CENPP: variants seen among roughly 807,000 people sequenced by gnomAD.
The protein encoded by CENPP is centromere protein P.
CENPP carries 24 observed loss-of-function variants against 35.6 expected under a neutral mutation model. That is an observed-to-expected ratio of 0.67 (90% CI 0.49 to 0.95). CENPP has a LOEUF of 0.95. CENPP is among the 40% of genes least tolerant of loss of function. The probability of loss-of-function intolerance (pLI) is 0.00; values close to 1 mark genes in which losing one functional copy is unlikely to be tolerated. For synonymous variants in CENPP, 120 were observed against 125.5 expected (o/e 0.96, Z 0.29); for missense variants, 332 against 345.3 (o/e 0.96, Z 0.31).
At chr9:92,530,561 T>G (rs1848684227) in intron 5 of CENPP, among the ~76,000 whole-genome samples, 1 of 152,248 alleles carries the variant, frequency 6.6e-6, no homozygotes, top group South Asian at 2.1e-4. Flanking sequence ...GCCTTGTTTG[T>G]CCTAATGATT....
intron 5 of CENPP, among the ~76,000 whole-genome samples, chr9:92,536,867 A>T (rs79072821): frequency 0.012 from 1,268 of 106,570 alleles, 17 homozygotes; most frequent in African/African-American, 0.04. Context: ...ACTATTTTTT[A>T]AATTTTTTTT....
chr9:92,465,631 A>C (rs1376302470), intron 5 of CENPP, among the ~76,000 whole-genome samples: 1 of 152,230 alleles, frequency 6.6e-6, no homozygotes, highest in Non-Finnish European at 1.5e-5. Context: ...AATATAAGAC[A>C]AAAAATTCCT....
intron 4 of CENPP, among the ~76,000 whole-genome samples, chr9:92,357,657 G>A (rs1204857256): frequency 6.6e-6 from 1 of 151,788 alleles, no homozygotes. Flanking sequence ...ACCACTCCTG[G>A]CTCATTTTTT....
chr9:92,404,511 G>A, intron 5 of CENPP: 1 of 1,293,672 alleles, frequency 7.7e-7, no homozygotes, highest in Non-Finnish European at 1.0e-6. Flanking sequence ...TAGCTGTTTT[G>A]AAGTTTTTTG....
chr9:92,505,748 G>A (rs1018676920), intron 5 of CENPP: 22 of 1,399,236 alleles, frequency 1.6e-5, no homozygotes, highest in Non-Finnish European at 1.6e-5. Flanking sequence ...GCAAATTTTT[G>A]TAGCCTTTTG....
intron 5 of CENPP, among the ~76,000 whole-genome samples, chr9:92,387,849 C>T (rs768974580): frequency 1.3e-5 from 2 of 151,646 alleles, no homozygotes; most frequent in East Asian, 1.9e-4. Flanking sequence ...CTGCAACCTC[C>T]GCCTCCCAGG....
At chr9:92,568,161 G>A (rs1431155782) in intron 5 of CENPP, among the ~76,000 whole-genome samples, 1 of 147,028 alleles carries the variant, frequency 6.8e-6, no homozygotes, top group Non-Finnish European at 1.5e-5. Flanking sequence ...ATGTATACAT[G>A]TGCCATGTTG....
intron 5 of CENPP, chr9:92,536,134 C>A: frequency 2.5e-6 from 1 of 397,280 alleles, no homozygotes; most frequent in Non-Finnish European, 4.7e-6. Context: ...AGAAAATCAG[C>A]CAAGAAAGTA....
intron 5 of CENPP, among the ~76,000 whole-genome samples, chr9:92,553,703 T>A (rs1180013970): frequency 6.6e-6 from 1 of 152,226 alleles, no homozygotes; most frequent in African/African-American, 2.4e-5. Flanking sequence ...AGTTCTTGAT[T>A]TAATTCTCCA....
At chr9:92,556,124 C>T (rs1170221411) in intron 5 of CENPP, among the ~76,000 whole-genome samples, 1 of 152,006 alleles carries the variant, frequency 6.6e-6, no homozygotes, top group African/African-American at 2.4e-5. Context: ...TTTTAATTTC[C>T]ATCTTGATTT....
intron 5 of CENPP, among the ~76,000 whole-genome samples, chr9:92,407,215 T>G (rs115073236): frequency 1.3e-3 from 202 of 152,244 alleles, no homozygotes; most frequent in African/African-American, 4.5e-3. Context: ...TTTGATTGAT[T>G]GATTGATTGA....
intron 1 of CENPP, among the ~76,000 whole-genome samples, chr9:92,328,086 A>C (rs916023033): frequency 2.0e-5 from 3 of 152,132 alleles, no homozygotes; most frequent in Admixed American, 1.3e-4. Context: ...CCCCTTGACC[A>C]AGAGGGAGTC....
Position 92,616,188 on chromosome 9 carries a change from A to AAATC in CENPP, c.*3044_*3047dup. 1.5e-6 allele frequency: 1 copy of AAATC among 652,924 alleles called. No homozygotes were observed. The highest frequency in any genetic ancestry group is 2.6e-6 in the Non-Finnish European group (1 of 378,592). The allele number at this position is 652,924 out of a possible 1,614,324, so 40.4% of individuals were successfully genotyped here. A position where few individuals can be genotyped will look rare whatever the true frequency, so the allele number is the denominator to read the frequency against. The stretch of plus-strand genomic sequence containing the variant: ...TTCTTTGACTTCTGCAAAGTTAGAT[A>AAATC]AATCAATCTCTTTTAAAAGAGAAGT... On this transcript the variant is annotated 3_prime_UTR_variant, in exon 8 of 8. Coordinates refer to ENST00000375587, the MANE Select transcript of CENPP (RefSeq NM_001012267.3).
intron 1 of CENPP, among the ~76,000 whole-genome samples, chr9:92,329,170 T>G (rs978095062): frequency 1.3e-5 from 2 of 150,744 alleles, no homozygotes; most frequent in Non-Finnish European, 2.9e-5. Context: ...AGAAGCTCAT[T>G]TATATTTATG....
At chr9:92,431,821 C>T (rs561967009) in intron 5 of CENPP, among the ~76,000 whole-genome samples, 3 of 152,304 alleles carry the variant, frequency 2.0e-5, no homozygotes, top group East Asian at 3.9e-4. Context: ...GATCTGCCCA[C>T]CTCAGCCTCC....
At chr9:92,361,575 G>C (rs1413751072) in intron 4 of CENPP, among the ~76,000 whole-genome samples, 1 of 151,538 alleles carries the variant, frequency 6.6e-6, no homozygotes, top group African/African-American at 2.4e-5. Context: ...CGCTCCCCAG[G>C]TTCAAGTGAT....
At chr9:92,597,316 G>A (rs1010736891) in intron 5 of CENPP, among the ~76,000 whole-genome samples, 4 of 152,256 alleles carry the variant, frequency 2.6e-5, no homozygotes, top group Non-Finnish European at 4.4e-5. Flanking sequence ...CAAACGGGGT[G>A]GGGACAGGAG....
intron 4 of CENPP, among the ~76,000 whole-genome samples, chr9:92,369,230 G>A (rs1488099800): frequency 6.6e-6 from 1 of 152,186 alleles, no homozygotes; most frequent in African/African-American, 2.4e-5. Context: ...AGACAAATAG[G>A]AGAGGGGAAA....
chr9:92,409,030 C>T (rs1423924220), intron 5 of CENPP, among the ~76,000 whole-genome samples: 1 of 152,122 alleles, frequency 6.6e-6, no homozygotes, highest in Non-Finnish European at 1.5e-5. Flanking sequence ...AGAATTATGA[C>T]TCAATGTAAG....
Sources: allele counts gnomAD v4.1 joint callset (sites outside exome capture counted in the v4.1 genomes callset), GRCh38; gene constraint gnomAD v4.1.1; transcripts MANE v1.5; gene names NCBI Gene and HGNC (gene_info 2026-07-23, HGNC 2026-07-21).